TTC23L: variants seen among roughly 807,000 people sequenced by gnomAD.
TTC23L encodes tetratricopeptide repeat domain 23 like.
Under a neutral mutation model 48.1 loss-of-function variants are expected in TTC23L, and 42 were observed. The observed-to-expected ratio is 0.87, with a 90% confidence interval of 0.68 to 1.13. The LOEUF is 1.13. TTC23L is among the 50% of genes most tolerant of loss of function. The probability of loss-of-function intolerance (pLI) is 0.00; values close to 1 mark genes in which losing one functional copy is unlikely to be tolerated. For missense variants in TTC23L, 391 were observed against 421.0 expected, an observed-to-expected ratio of 0.93 and a Z score of 0.62; for synonymous variants, 159 against 157.2, an observed-to-expected ratio of 1.01 and a Z score of -0.09.
downstream of TTC23L, among the ~76,000 whole-genome samples, chr5:34,903,588 T>C (rs1484342813): frequency 6.6e-6 from 1 of 152,220 alleles, no homozygotes; most frequent in Non-Finnish European, 1.5e-5. Context: ...GTATCATACA[T>C]ATTAGTTTCA....
chr5:34,882,660 A>ACACACACACACACACACACACAC (rs1762305507), intron 9 of TTC23L, among the ~76,000 whole-genome samples: 1 of 86,606 alleles, frequency 1.2e-5, no homozygotes, highest in Non-Finnish European at 2.8e-5. Context: ...CACACACACA[A>ACACACACACACACACACACACAC]TATCTTTTGA....
intron 4 of TTC23L, chr5:34,861,580 AGAC>A (rs1188114996): frequency 6.6e-6 from 1 of 152,244 alleles, no homozygotes; most frequent in Non-Finnish European, 1.5e-5. Flanking sequence ...CTCCCAGGGA[AGAC>A]CATGTTCCCT....
chr5:34,913,923 T>C, the TTC23L span: 1 of 456,604 alleles, frequency 2.2e-6, no homozygotes, highest in Non-Finnish European at 4.4e-6. Context: ...CTCACTATGA[T>C]TACCCAGGCT....
intron 9 of TTC23L, among the ~76,000 whole-genome samples, chr5:34,890,932 C>T (rs138987418): frequency 1.2e-3 from 185 of 152,320 alleles, no homozygotes; most frequent in African/African-American, 4.3e-3. Context: ...GGCTCCATCA[C>T]TCAGCTCTCT....
the TTC23L span, chr5:34,915,826 G>C: frequency 6.4e-7 from 1 of 1,574,370 alleles, no homozygotes; most frequent in Non-Finnish European, 8.6e-7. Context: ...GGAGCCGCCA[G>C]CTAAGCGGCA....
exon 3 of TTC23L, chr5:34,845,512 C>T: frequency 6.2e-7 from 1 of 1,613,462 alleles, no homozygotes. Flanking sequence ...GATCCCAGCT[C>T]ACCAGCAAAC....
Position 34,862,883 on chromosome 5 carries a change from C to T in TTC23L, c.380-15C>T. Reference sequence around the variant, plus strand: ...AATGTCTGTCTTCTTGCTCCTCACCCTCTAACTCCCCCAGGCCTCCCAGTT... The same window carrying T: ...AATGTCTGTCTTCTTGCTCCTCACCTTCTAACTCCCCCAGGCCTCCCAGTT... On this transcript the variant is annotated splice_polypyrimidine_tract_variant and intron_variant, in intron 4 of 10. Coordinates refer to ENST00000505624, the Ensembl canonical transcript of TTC23L. 3 of 1,613,518 alleles carry T rather than the reference C, an allele frequency of 1.9e-6. No homozygotes were observed. The highest frequency in any genetic ancestry group is 2.5e-6 in the Non-Finnish European group (3 of 1,179,626).
rs1423009373 is a variant in TTC23L at position 34,867,088 on chromosome 5, G to C, written c.840+19G>C. 3 of 1,602,152 alleles carry C rather than the reference G, an allele frequency of 1.9e-6. No homozygotes were observed. Among genetic ancestry groups the C allele is most frequent in the Middle Eastern group, 1.7e-4 (1 of 6,052 alleles). ...GCAGCAGGTCAGTGGGTTGGCCAGAGCCCAGGCTGGGTTGCCTTGTTTGGC... is the reference window on the plus strand; with the variant it reads ...GCAGCAGGTCAGTGGGTTGGCCAGACCCCAGGCTGGGTTGCCTTGTTTGGC... On this transcript the variant is annotated intron_variant, in intron 7 of 10. Coordinates refer to ENST00000505624, the Ensembl canonical transcript of TTC23L.
chr5:34,919,934 G>A, the TTC23L span: 1 of 685,332 alleles, frequency 1.5e-6, no homozygotes, highest in Non-Finnish European at 2.5e-6. Context: ...GTTAACAGTG[G>A]CTTATTTCAA....
At chr5:34,872,117 CAA>C (rs371443637) in intron 8 of TTC23L, among the ~76,000 whole-genome samples, 27 of 128,676 alleles carry the variant, frequency 2.1e-4, no homozygotes, top group South Asian at 2.3e-4. Context: ...ATCTCTACCA[CAA>C]AAAAAAAAAA....
intron 4 of TTC23L, among the ~76,000 whole-genome samples, chr5:34,855,467 A>G (rs1215155307): frequency 6.6e-6 from 1 of 152,230 alleles, no homozygotes; most frequent in East Asian, 1.9e-4. Context: ...AGGCTGCCAG[A>G]GAGAATGGGT....
intron 4 of TTC23L, among the ~76,000 whole-genome samples, chr5:34,856,867 A>G (rs1429295895): frequency 3.3e-4 from 50 of 152,252 alleles, no homozygotes. Flanking sequence ...TCAGAAGAAC[A>G]GTTTCCCCAT....
intron 9 of TTC23L, among the ~76,000 whole-genome samples, chr5:34,889,592 G>A (rs1262173494): frequency 6.6e-6 from 1 of 152,170 alleles, no homozygotes; most frequent in African/African-American, 2.4e-5. Context: ...ACCCAGAGGA[G>A]GATGTTCTCC....
At chr5:34,909,695 C>G in the TTC23L span, among the ~76,000 whole-genome samples, 3 of 152,144 alleles carry the variant, frequency 2.0e-5, no homozygotes, top group African/African-American at 7.2e-5. Context: ...AGACCTTGAT[C>G]TAAGTCTACT....
At chr5:34,908,663 T>C in the TTC23L span, 4 of 1,105,476 alleles carry the variant, frequency 3.6e-6, no homozygotes, top group Admixed American at 5.1e-5. Context: ...TTGTGCTTCT[T>C]CTCTATAGAA....
At chr5:34,856,649 A>ATTCT (rs1272313010) in intron 4 of TTC23L, among the ~76,000 whole-genome samples, 1 of 152,192 alleles carries the variant, frequency 6.6e-6, no homozygotes, top group Non-Finnish European at 1.5e-5. Flanking sequence ...AGAAACAGAA[A>ATTCT]GATTTGGAAA....
rs140877320 is a variant in TTC23L, at chr5:34,874,945, A to G, written c.950-5236A>G. ...AGTGATCAAAAAACAACGCCCAACC[A>G]TATGTTGTCTACAATAAATCCACTT... On this transcript the variant is annotated intron_variant, in intron 8 of 10. Coordinates refer to ENST00000505624, the Ensembl canonical transcript of TTC23L. 2.2e-3 allele frequency among the ~76,000 whole-genome samples: 328 copies of G among 152,322 alleles called. 1 individual carries two copies. Among genetic ancestry groups the G allele is most frequent in the African/African-American group, 7.6e-3 (316 of 41,566 alleles).
chr5:34,862,827 A>G, intron 4 of TTC23L, 71 bp from the exon 5 acceptor site: 2 of 1,580,642 alleles, frequency 1.3e-6, no homozygotes, highest in African/African-American at 2.7e-5. Flanking sequence ...ATCCCCTCCC[A>G]GGAATGTTTT....
the TTC23L span, chr5:34,925,486 A>G: frequency 1.2e-6 from 2 of 1,610,000 alleles, no homozygotes; most frequent in East Asian, 4.5e-5. Context: ...ACAGTGGGAA[A>G]ACAAAATAAG....
Sources: gnomAD v4.1 joint callset for allele counts (sites outside exome capture counted in the v4.1 genomes callset) on GRCh38, gnomAD v4.1.1 for gene constraint, MANE v1.5 for transcripts, NCBI Gene and HGNC (gene_info 2026-07-23, HGNC 2026-07-21) for gene names.